Variants in POLN observed in about 807,000 individuals in gnomAD.
The protein encoded by POLN is DNA polymerase nu.
In POLN, 108 loss-of-function variants were observed where a neutral mutation model predicts 113.5. The ratio of observed to expected loss-of-function variants is 0.95; its 90% CI spans 0.81 to 1.12. The LOEUF (loss-of-function observed/expected upper bound fraction) is 1.12, where lower values mean the gene tolerates loss of function less well. Ranked by LOEUF, POLN falls within the 50% of genes most tolerant of loss-of-function variation. The probability of loss-of-function intolerance (pLI) is 0.00; values close to 1 mark genes in which losing one functional copy is unlikely to be tolerated. For synonymous variants in POLN, 386 were observed against 391.5 expected (o/e 0.99, Z 0.17); for missense variants, 1,097 against 1,077.1 (o/e 1.02, Z -0.26).
chr4:2,170,679 C>T lies in POLN; in HGVS notation c.1554G>A (p.Val518=). Residue 518 remains valine (V), a splice_region_variant and synonymous_variant, in exon 13 of 26, where the codon GTG becomes GTA. Coordinates refer to ENST00000511885, the MANE Select transcript of POLN (RefSeq NM_181808.4). The part of the protein sequence containing the change: ...LQKYPSTSEA[V]LNALRDLHPL... ...AAAAAGGATAACTCTGAAACCTTAC[C>T]ACTGCTTCTGATGTAGACGGGTATT... 6.2e-7 allele frequency: 1 copy of T among 1,610,904 alleles called. No homozygotes were observed. Among genetic ancestry groups the T allele is most frequent in the Non-Finnish European group, 8.5e-7 (1 of 1,177,248 alleles).
intron 19 of POLN, among the ~76,000 whole-genome samples, chr4:2,101,409 A>G (rs980220913): frequency 1.3e-5 from 2 of 152,262 alleles, no homozygotes; most frequent in Non-Finnish European, 2.9e-5. Context: ...AGAAAACTCC[A>G]CAATCTAGGA....
At chr4:2,173,244 C>A (rs1732909368) in intron 11 of POLN, among the ~76,000 whole-genome samples, 1 of 152,070 alleles carries the variant, frequency 6.6e-6, no homozygotes, top group Non-Finnish European at 1.5e-5. Flanking sequence ...ATTGGGGTTT[C>A]CTTTAAACAT....
chr4:2,229,549 G>C (rs1368502176), intron 2 of POLN: 1 of 182,210 alleles, frequency 5.5e-6, no homozygotes, highest in African/African-American at 2.4e-5. Context: ...AATAGGCTGA[G>C]CGCGGAAGCT....
At position 2,085,712 on chromosome 4, in the gene POLN, GA is replaced by G; in HGVS notation, c.2097del (p.Pro700LeufsTer65). 4.3e-6 allele frequency: 7 copies of G among 1,613,898 alleles called. No individual in the cohort carries two copies. In the South Asian group the frequency reaches 5.5e-5, roughly 13 times the overall value. On this transcript the variant is annotated frameshift_variant, in exon 21 of 26. Coordinates refer to ENST00000511885, the MANE Select transcript of POLN (RefSeq NM_181808.4). LOFTEE classifies it high-confidence loss of function. ...AAAAACTGGGCAGCTTCCTGAATAG[GA>G]ACTCCAAGGCAAGCAGCCAGCCGCT... ...GKERLAACLG[V>X]PIQEAAQFLE... is the part of the protein sequence containing the mutation.
At chr4:2,240,574 A>G (rs772132904) in intron 2 of POLN, 12 of 1,613,094 alleles carry the variant, frequency 7.4e-6, no homozygotes, top group Non-Finnish European at 9.3e-6. Context: ...GAAGCCATCA[A>G]TTGACATTTA....
At chr4:2,088,142 T>C (rs1431560436) in intron 20 of POLN, among the ~76,000 whole-genome samples, 1 of 152,210 alleles carries the variant, frequency 6.6e-6, no homozygotes, top group Admixed American at 6.5e-5. Context: ...TTCATTTTAT[T>C]ATCATTAAAA....
chr4:2,191,153 C>T (rs1733430277), intron 7 of POLN, among the ~76,000 whole-genome samples: 1 of 152,294 alleles, frequency 6.6e-6, no homozygotes, highest in East Asian at 1.9e-4. Flanking sequence ...TGTGGTATTA[C>T]TATTCAGCCA....
chr4:2,215,258 G>A (rs1372790729), intron 3 of POLN, among the ~76,000 whole-genome samples: 2 of 152,150 alleles, frequency 1.3e-5, no homozygotes, highest in African/African-American at 4.8e-5. Flanking sequence ...AATGACTCCA[G>A]CTATAGTGGT....
At chr4:2,227,746 G>A (rs898303490) in intron 3 of POLN, 4 of 152,152 alleles carry the variant, frequency 2.6e-5, no homozygotes, top group African/African-American at 9.7e-5. Context: ...ACAACAATAA[G>A]AGCTTATATG....
At chr4:2,172,448 A>T (rs1732887385) in intron 11 of POLN, among the ~76,000 whole-genome samples, 2 of 152,140 alleles carry the variant, frequency 1.3e-5, no homozygotes. Flanking sequence ...TTCCTTTTAA[A>T]AATCTCAACT....
chr4:2,141,802 G>A (rs1732007746), intron 16 of POLN, among the ~76,000 whole-genome samples: 1 of 152,212 alleles, frequency 6.6e-6, no homozygotes, highest in African/African-American at 2.4e-5. Context: ...CCCCCTCTCA[G>A]GCTCCTTGGA....
chr4:2,177,538 G>A (rs1032162930), intron 8 of POLN, among the ~76,000 whole-genome samples: 1 of 152,210 alleles, frequency 6.6e-6, no homozygotes, highest in Non-Finnish European at 1.5e-5. Context: ...TGGCTGATGA[G>A]ACATAAACAG....
At chr4:2,205,936 T>C (rs573205349) in intron 5 of POLN, among the ~76,000 whole-genome samples, 1 of 148,526 alleles carries the variant, frequency 6.7e-6, no homozygotes, top group Non-Finnish European at 1.5e-5. Context: ...AAAGCCCACA[T>C]AGCCAAAGCA....
At chr4:2,099,764 G>T (rs1458486380) in intron 19 of POLN, among the ~76,000 whole-genome samples, 1 of 152,180 alleles carries the variant, frequency 6.6e-6, no homozygotes, top group East Asian at 1.9e-4. Context: ...CAGGGAAGCA[G>T]GGGTGGGATA....
chr4:2,239,103 G>A (rs1734878306), intron 2 of POLN: 2 of 909,790 alleles, frequency 2.2e-6, no homozygotes, highest in South Asian at 4.9e-5. Context: ...ATCATCTTAA[G>A]ATTATTTTCA....
At chr4:2,113,900 ATAATG>A (rs1190267673) in intron 19 of POLN, among the ~76,000 whole-genome samples, 1 of 144,738 alleles carries the variant, frequency 6.9e-6, no homozygotes, top group Non-Finnish European at 1.5e-5. Flanking sequence ...AATAATAATA[ATAATG>A]TCTTTTTTTT....
At chr4:2,177,206 A>C in intron 8 of POLN, 1 of 383,718 alleles carries the variant, frequency 2.6e-6, no homozygotes, top group Non-Finnish European at 5.2e-6. Flanking sequence ...CCTAGTTTGA[A>C]TACCCCCAGG....
intron 2 of POLN, among the ~76,000 whole-genome samples, chr4:2,237,180 A>G (rs1175394154): frequency 1.3e-5 from 2 of 152,094 alleles, no homozygotes; most frequent in African/African-American, 2.4e-5. Context: ...GCTATGGCTC[A>G]TGCCTGTAAT....
chr4:2,113,907 CT>C (rs560458106), intron 19 of POLN, among the ~76,000 whole-genome samples: 136 of 141,070 alleles, frequency 9.6e-4, no homozygotes, highest in Middle Eastern at 3.7e-3. Context: ...ATAATAATGT[CT>C]TTTTTTTTTG....
Sources: gnomAD v4.1 joint callset for allele counts (sites outside exome capture counted in the v4.1 genomes callset) on GRCh38, gnomAD v4.1.1 for gene constraint, MANE v1.5 for transcripts, NCBI Gene and HGNC (gene_info 2026-07-23, HGNC 2026-07-21) for gene names.